Variants in RUNX1T1 observed in about 807,000 individuals in gnomAD.
The protein encoded by RUNX1T1 is RUNX1 partner transcriptional co-repressor 1.
A neutral mutation model predicts 62.8 loss-of-function variants in RUNX1T1; 4 were observed. The observed-to-expected ratio is 0.06, with a 90% CI of 0.03 to 0.15. The LOEUF (loss-of-function observed/expected upper bound fraction) is 0.15, where lower values mean the gene tolerates loss of function less well. Among genes scored for constraint, RUNX1T1 ranks in the 10% least tolerant of loss-of-function variants. The pLI is 1.00. For synonymous variants in RUNX1T1, 291 were observed against 286.0 expected, an observed-to-expected ratio of 1.02 and a Z score of -0.18; for missense variants, 508 against 754.3, an observed-to-expected ratio of 0.67 and a Z score of 3.82.
chr8:92,099,792 A>G, upstream of RUNX1T1: 2 of 215,854 alleles, frequency 9.3e-6, no homozygotes, highest in Non-Finnish European at 1.6e-5. Flanking sequence ...TAAACTGACA[A>G]CCACTGACCA....
intron 8 of RUNX1T1, among the ~76,000 whole-genome samples, chr8:91,980,971 A>G (rs1658441787): frequency 6.6e-6 from 1 of 152,078 alleles, no homozygotes; most frequent in African/African-American, 2.4e-5. Context: ...TTCTACTCCC[A>G]GCAGAAAGTT....
At chr8:92,063,005 A>G, upstream of RUNX1T1, 1 of 1,100,428 alleles carries the variant, frequency 9.1e-7, no homozygotes, top group Non-Finnish European at 1.1e-6. Flanking sequence ...TTATTTTGCC[A>G]AAAGATAGAA....
intron 3 of RUNX1T1, among the ~76,000 whole-genome samples, chr8:92,012,441 T>C (rs552353980): frequency 7.6e-4 from 116 of 151,896 alleles, no homozygotes; most frequent in Non-Finnish European, 1.4e-3. Flanking sequence ...GAAGGGAGGA[T>C]TGCTTATGCT....
In RUNX1T1 at chr8:91,986,272, T is replaced by G; in HGVS notation, c.1050A>C (p.Val350=). The G allele has an allele frequency of 3.1e-6, 5 of 1,613,918 alleles. No individual in the cohort carries two copies. The Admixed American group carries it at 6.7e-5, about 22-fold the overall frequency. Residue 350 remains valine (V), a synonymous_variant, in exon 8 of 11, where the codon GTA becomes GTC. Transcript: ENST00000396218. Reference sequence around the variant, plus strand: ...GGTCTGCTTCTTGACACCGCCTTAGTACGGTGAGAGATCGCCTTGTTTTTT... The same window carrying G: ...GGTCTGCTTCTTGACACCGCCTTAGGACGGTGAGAGATCGCCTTGTTTTTT...
At chr8:92,027,201 A>T (rs1825387586) in intron 1 of RUNX1T1, among the ~76,000 whole-genome samples, 1 of 152,184 alleles carries the variant, frequency 6.6e-6, no homozygotes, top group Non-Finnish European at 1.5e-5. Flanking sequence ...GACTATTTAA[A>T]TTTTAATTAA....
intron 1 of RUNX1T1, among the ~76,000 whole-genome samples, chr8:92,086,338 G>A (rs1033005081): frequency 6.6e-6 from 1 of 152,216 alleles, no homozygotes; most frequent in Non-Finnish European, 1.5e-5. Context: ...CTGGTCAAAT[G>A]AGAAGTTAAG....
At chr8:92,031,288 G>C (rs949434694) in intron 1 of RUNX1T1, among the ~76,000 whole-genome samples, 1 of 151,980 alleles carries the variant, frequency 6.6e-6, no homozygotes, top group South Asian at 2.1e-4. Flanking sequence ...TAACATAGTC[G>C]GGTGTCCATT....
intron 1 of RUNX1T1, among the ~76,000 whole-genome samples, chr8:92,088,270 C>T (rs139653365): frequency 1.3e-4 from 20 of 152,326 alleles, no homozygotes; most frequent in Non-Finnish European, 2.2e-4. Context: ...TTCTTCCCAG[C>T]TGTATTTGCT....
At chr8:91,992,731 T>A (rs1045508518) in intron 5 of RUNX1T1, among the ~76,000 whole-genome samples, 1 of 152,182 alleles carries the variant, frequency 6.6e-6, no homozygotes, top group Non-Finnish European at 1.5e-5. Context: ...AGAGAGCTAA[T>A]GTATCCTGTC....
chr8:92,082,986 T>C (rs1835517450), intron 1 of RUNX1T1, among the ~76,000 whole-genome samples: 1 of 152,194 alleles, frequency 6.6e-6, no homozygotes, highest in Non-Finnish European at 1.5e-5. Flanking sequence ...TGGAAGCCAC[T>C]ACAATGGTTT....
intron 9 of RUNX1T1, among the ~76,000 whole-genome samples, chr8:91,974,167 T>C (rs1476669887): frequency 3.9e-5 from 6 of 151,982 alleles, no homozygotes; most frequent in African/African-American, 1.4e-4. Flanking sequence ...GTGGAGTCAA[T>C]AGATAACAAT....
intron 6 of RUNX1T1, 70 bp downstream of exon 7, chr8:91,991,569 G>A (rs1817678484): frequency 4.0e-6 from 6 of 1,488,726 alleles, no homozygotes; most frequent in Middle Eastern, 2.0e-4. Flanking sequence ...CTCAAGTTAA[G>A]TTCAGAAATA....
intron 4 of RUNX1T1, among the ~76,000 whole-genome samples, chr8:92,007,102 A>G (rs1308534859): frequency 1.3e-5 from 2 of 152,206 alleles, no homozygotes; most frequent in African/African-American, 2.4e-5. Flanking sequence ...GAGAGCTTAG[A>G]TACCTTGTGT....
intron 6 of RUNX1T1, among the ~76,000 whole-genome samples, chr8:91,988,157 A>T (rs1295218028): frequency 6.6e-6 from 1 of 152,114 alleles, no homozygotes; most frequent in African/African-American, 2.4e-5. Flanking sequence ...TGATTTACAC[A>T]AATAAAGATG....
At chr8:92,058,514 C>A (rs1831402564) in intron 1 of RUNX1T1, among the ~76,000 whole-genome samples, 1 of 152,124 alleles carries the variant, frequency 6.6e-6, no homozygotes, top group Non-Finnish European at 1.5e-5. Flanking sequence ...GTAAGACTGA[C>A]ACTAATATGC....
At chr8:92,016,002 A>C (rs1045357080) in intron 2 of RUNX1T1, among the ~76,000 whole-genome samples, 1 of 152,190 alleles carries the variant, frequency 6.6e-6, no homozygotes, top group African/African-American at 2.4e-5. Context: ...TTTAAATGGC[A>C]GTGCAACACT....
rs552835945 is a variant in RUNX1T1 at position 92,088,617 on chromosome 8, C to A, written c.-86+10963G>T. ...ATAGATCTGCTTTCCTAATATTAGGCTCTGGTCTCCTCACTAAGAGTTACT... is the reference window on the plus strand; with the variant it reads ...ATAGATCTGCTTTCCTAATATTAGGATCTGGTCTCCTCACTAAGAGTTACT... On this transcript the variant is annotated intron_variant, in intron 1 of 11. Coordinates refer to the RUNX1T1 transcript ENST00000265814. 4.6e-5 allele frequency among the ~76,000 whole-genome samples: 7 copies of A among 152,276 alleles called. 1 individual carries two copies. In the South Asian group the frequency reaches 1.2e-3, roughly 27 times the overall value.
intron 1 of RUNX1T1, among the ~76,000 whole-genome samples, chr8:92,029,346 C>A (rs191459846): frequency 3.7e-4 from 56 of 151,992 alleles, no homozygotes; most frequent in African/African-American, 1.3e-3. Context: ...TACTGGATAG[C>A]AATAGTCTAG....
At chr8:91,980,247 T>C (rs745766136) in intron 8 of RUNX1T1, among the ~76,000 whole-genome samples, 13 of 152,230 alleles carry the variant, frequency 8.5e-5, no homozygotes, top group Admixed American at 2.0e-4. Flanking sequence ...ACAGTAGGCA[T>C]TTGCATTATG....
Sources: gnomAD v4.1 joint callset for allele counts (sites outside exome capture counted in the v4.1 genomes callset) on GRCh38, gnomAD v4.1.1 for gene constraint, MANE v1.5 for transcripts, NCBI Gene and HGNC (gene_info 2026-07-23, HGNC 2026-07-21) for gene names.